ANO4: variants seen among roughly 807,000 people sequenced by gnomAD.
ANO4 encodes anoctamin 4.
ANO4 carries 69 observed loss-of-function variants against 141.9 expected under a neutral mutation model. That is an observed-to-expected ratio of 0.49 (90% CI 0.40 to 0.59). ANO4 has a LOEUF of 0.59. ANO4 is among the 20% of genes least tolerant of loss of function. ANO4 has a pLI of 0.00. For synonymous variants in ANO4, 350 were observed against 394.3 expected (o/e 0.89, Z 1.33); for missense variants, 894 against 1,162.2 (o/e 0.77, Z 3.36).
intron 8 of ANO4, among the ~76,000 whole-genome samples, chr12:100,999,658 A>T (rs1040704354): frequency 6.6e-6 from 1 of 152,146 alleles, no homozygotes; most frequent in Non-Finnish European, 1.5e-5. Context: ...AGAGGACAGG[A>T]AAGTTTTGAT....
intron 15 of ANO4, among the ~76,000 whole-genome samples, chr12:101,080,883 T>TATATATATATATATAA (rs1491584060): frequency 1.9e-4 from 14 of 74,064 alleles, no homozygotes; most frequent in Admixed American, 5.3e-4. Flanking sequence ...TATATATATA[T>TATATATATATATATAA]TATATATATA....
chr12:100,916,672 A>G (rs2041357506), intron 2 of ANO4, among the ~76,000 whole-genome samples: 1 of 152,196 alleles, frequency 6.6e-6, no homozygotes, highest in African/African-American at 2.4e-5. Context: ...TACTATAGAA[A>G]AGACAAAATA....
chr12:100,863,364 A>C (rs2135897927), intron 1 of ANO4, among the ~76,000 whole-genome samples: 1 of 152,314 alleles, frequency 6.6e-6, no homozygotes, highest in Admixed American at 6.5e-5. Context: ...TCTGTTAGAT[A>C]ATAATTCAGG....
intron 22 of ANO4, 56 bp from the exon 23 acceptor site, chr12:101,110,348 G>C: frequency 6.6e-7 from 1 of 1,504,120 alleles, no homozygotes; most frequent in South Asian, 1.4e-5. Flanking sequence ...TGATCCCTTT[G>C]AAAATAGTAA....
intron 1 of ANO4, among the ~76,000 whole-genome samples, chr12:100,731,760 C>CAGG (rs1828431068): frequency 6.6e-6 from 1 of 152,164 alleles, no homozygotes; most frequent in Non-Finnish European, 1.5e-5. Context: ...TTGGCCTTTT[C>CAGG]AGATTCATTT....
intron 3 of ANO4, among the ~76,000 whole-genome samples, chr12:100,758,848 G>C (rs1295074022): frequency 1.3e-5 from 2 of 152,046 alleles, no homozygotes; most frequent in Non-Finnish European, 2.9e-5. Context: ...GGAATTCTTT[G>C]GTTTGTGACA....
At chr12:100,770,587 T>C (rs1565865754) in intron 3 of ANO4, among the ~76,000 whole-genome samples, 1 of 152,164 alleles carries the variant, frequency 6.6e-6, no homozygotes, top group Non-Finnish European at 1.5e-5. Flanking sequence ...TTCCTTGTTT[T>C]CTCTTTCCTT....
intron 21 of ANO4, 119 bp downstream of exon 21, chr12:101,098,064 C>G: frequency 1.2e-6 from 1 of 832,900 alleles, no homozygotes; most frequent in Non-Finnish European, 1.9e-6. Flanking sequence ...GCACCTGGAA[C>G]TAAGTGCTCA....
intron 3 of ANO4, among the ~76,000 whole-genome samples, chr12:100,750,423 C>T (rs1306198758): frequency 1.3e-5 from 2 of 151,712 alleles, no homozygotes; most frequent in South Asian, 2.1e-4. Context: ...GGATTACATG[C>T]GTGAGCCACC....
At chr12:101,106,085 G>A (rs1377862459) in intron 22 of ANO4, among the ~76,000 whole-genome samples, 1 of 152,022 alleles carries the variant, frequency 6.6e-6, no homozygotes, top group Non-Finnish European at 1.5e-5. Context: ...CAGCCTGGGC[G>A]ACAAGAGCGA....
intron 1 of ANO4, among the ~76,000 whole-genome samples, chr12:100,796,032 A>AG (rs1375302489): frequency 9.3e-5 from 10 of 108,008 alleles, no homozygotes; most frequent in Middle Eastern, 5.1e-3. Context: ...CTCTCTTAAC[A>AG]GGGATTTTTT....
At chr12:100,867,588 ACT>A (rs1291755816) in intron 1 of ANO4, among the ~76,000 whole-genome samples, 2 of 133,838 alleles carry the variant, frequency 1.5e-5, no homozygotes, top group African/African-American at 2.8e-5. Context: ...ATCCAGAAAA[ACT>A]CTCTCTCTGT....
intron 1 of ANO4, among the ~76,000 whole-genome samples, chr12:100,871,539 C>T (rs2039033437): frequency 6.6e-6 from 1 of 152,200 alleles, no homozygotes; most frequent in Non-Finnish European, 1.5e-5. Flanking sequence ...AAGTCTTTTT[C>T]CTTCTGTAGA....
chr12:100,732,782 C>T (rs1166849370), intron 1 of ANO4, among the ~76,000 whole-genome samples: 1 of 152,202 alleles, frequency 6.6e-6, no homozygotes, highest in African/African-American at 2.4e-5. Flanking sequence ...CGGCACTCAG[C>T]CACCTGGATT....
chr12:101,106,211 A>G (rs542553190), intron 22 of ANO4, among the ~76,000 whole-genome samples: 1 of 152,316 alleles, frequency 6.6e-6, no homozygotes, highest in South Asian at 2.1e-4. Context: ...AGCCCAGAGA[A>G]AAGAACAGAA....
At chr12:100,752,831 A>G (rs975831933) in intron 3 of ANO4, among the ~76,000 whole-genome samples, 3 of 152,172 alleles carry the variant, frequency 2.0e-5, no homozygotes, top group Admixed American at 2.0e-4. Context: ...AACCATTATT[A>G]TGATAATACT....
At chr12:100,924,222 G>A (rs12303458) in intron 3 of ANO4, among the ~76,000 whole-genome samples, 3,460 of 152,110 alleles carry the variant, frequency 0.023, 138 homozygotes, top group African/African-American at 0.079. Flanking sequence ...CCATGCCTAG[G>A]GACATTGCAT....
intron 8 of ANO4, among the ~76,000 whole-genome samples, chr12:101,014,381 G>A (rs2046229880): frequency 6.6e-6 from 1 of 152,144 alleles, no homozygotes; most frequent in African/African-American, 2.4e-5. Flanking sequence ...GGGTGAAAAC[G>A]AGGTTGCTCA....
chr12:100,754,322 G>A (rs1035453604), intron 3 of ANO4, among the ~76,000 whole-genome samples: 7 of 152,094 alleles, frequency 4.6e-5, no homozygotes, highest in Non-Finnish European at 1.0e-4. Flanking sequence ...TAGTCCTGTG[G>A]TCATTGCCAT....
Sources: gnomAD v4.1 joint callset for allele counts (sites outside exome capture counted in the v4.1 genomes callset) on GRCh38, gnomAD v4.1.1 for gene constraint, MANE v1.5 for transcripts, NCBI Gene and HGNC (gene_info 2026-07-23, HGNC 2026-07-21) for gene names.